Variants in RGL1 observed in about 807,000 individuals in gnomAD.
RGL1 encodes ral guanine nucleotide dissociation stimulator-like 1.
Under a neutral mutation model 95.2 loss-of-function variants are expected in RGL1, and 24 were observed. The observed-to-expected ratio is 0.25, with a 90% CI of 0.18 to 0.35. RGL1 has a LOEUF of 0.35. RGL1 is among the 10% of genes least tolerant of loss of function. RGL1 has a pLI of 1.00. For synonymous variants in RGL1, 329 were observed against 344.9 expected (o/e 0.95, Z 0.51); for missense variants, 715 against 936.3 (o/e 0.76, Z 3.08).
chr1:183,806,263 C>T (rs191157905), intron 1 of RGL1, 112 bp from the exon 2 acceptor site: 3 of 700,456 alleles, frequency 4.3e-6, no homozygotes, highest in African/African-American at 1.8e-5. Context: ...TTTTGAACAG[C>T]CCATCTTGTG....
chr1:183,853,495 A>T (rs7515177), intron 3 of RGL1, among the ~76,000 whole-genome samples: 20,355 of 152,174 alleles, frequency 0.13, 1,795 homozygotes, highest in Middle Eastern at 0.23. Context: ...AGTGGAGGAC[A>T]TTCGGGGTTT....
chr1:183,874,017 T>C (rs1366364451), intron 4 of RGL1, among the ~76,000 whole-genome samples: 1 of 152,200 alleles, frequency 6.6e-6, no homozygotes, highest in Non-Finnish European at 1.5e-5. Context: ...AAAACTCCCT[T>C]CTTGGACTGT....
intron 1 of RGL1, among the ~76,000 whole-genome samples, chr1:183,733,745 G>C (rs1443155572): frequency 6.6e-6 from 1 of 152,124 alleles, no homozygotes; most frequent in Non-Finnish European, 1.5e-5. Context: ...CTGGTGTTTT[G>C]GTCTTCAACA....
At chr1:183,669,733 A>G (rs1390778975) in intron 1 of RGL1, among the ~76,000 whole-genome samples, 2 of 152,236 alleles carry the variant, frequency 1.3e-5, no homozygotes. Flanking sequence ...ATTTATAAAT[A>G]AAAAGAGGTT....
intron 4 of RGL1, among the ~76,000 whole-genome samples, chr1:183,867,481 G>A (rs150470939): frequency 3.3e-5 from 5 of 152,288 alleles, no homozygotes; most frequent in East Asian, 3.9e-4. Flanking sequence ...GCAGTGCTGC[G>A]GTCTTTGGTG....
chr1:183,773,693 G>A (rs1659430865), intron 2 of RGL1, among the ~76,000 whole-genome samples: 2 of 152,202 alleles, frequency 1.3e-5, no homozygotes, highest in Admixed American at 6.5e-5. Flanking sequence ...TAGCATGCAG[G>A]AGTCTTCCCA....
At chr1:183,849,552 G>A (rs1253134928) in intron 3 of RGL1, among the ~76,000 whole-genome samples, 2 of 140,942 alleles carry the variant, frequency 1.4e-5, no homozygotes, top group African/African-American at 5.3e-5. Flanking sequence ...GTGCAGTGGC[G>A]TGATCTCGGC....
chr1:183,666,062 A>G (rs1652015983), intron 1 of RGL1, among the ~76,000 whole-genome samples: 1 of 147,534 alleles, frequency 6.8e-6, no homozygotes, highest in Admixed American at 6.8e-5. Flanking sequence ...CTGGAGTGCA[A>G]TGGCGTGATC....
chr1:183,681,536 T>C (rs982189205), intron 1 of RGL1, among the ~76,000 whole-genome samples: 1 of 152,220 alleles, frequency 6.6e-6, no homozygotes, highest in Non-Finnish European at 1.5e-5. Flanking sequence ...GACTTGATCA[T>C]GGTGGATAAG....
In RGL1 at chr1:183,688,325, T is replaced by G. The variant is rs576519748; in HGVS notation, c.-33+51824T>G. 2.6e-5 allele frequency among the ~76,000 whole-genome samples: 4 copies of G among 152,294 alleles called. No individual in the cohort carries two copies. The South Asian group carries it at 8.3e-4, about 32-fold the overall frequency. On this transcript the variant is annotated intron_variant, in intron 1 of 18. Coordinates refer to the RGL1 transcript ENST00000304685. ...ATTACTTCCTTGGGAAATTTTTGCT[T>G]GCTTATGTGTATCTGAGATTAACAA...
At chr1:183,855,518 C>T (rs1371207781) in intron 3 of RGL1, among the ~76,000 whole-genome samples, 2 of 152,242 alleles carry the variant, frequency 1.3e-5, no homozygotes, top group Non-Finnish European at 2.9e-5. Flanking sequence ...ATGCAGTGTT[C>T]ATGTTCCTGT....
intron 2 of RGL1, among the ~76,000 whole-genome samples, chr1:183,746,290 G>A (rs1369048055): frequency 1.3e-5 from 2 of 151,858 alleles, no homozygotes; most frequent in Non-Finnish European, 2.9e-5. Flanking sequence ...CTGCATATGT[G>A]TATCCTCAAA....
rs1656186437 is a variant in RGL1, at chr1:183,724,277, A to C, written c.-32-17849A>C. Among the ~76,000 whole-genome samples, 1 of 152,122 alleles carries C rather than the reference A, an allele frequency of 6.6e-6. No homozygotes were observed. Among genetic ancestry groups the C allele is most frequent in the Non-Finnish European group, 1.5e-5 (1 of 68,018 alleles). ...AGGAGAGACTGTTTCTGCTTGAGAAAAGCAGAGGGAAGAGTAAAGGAGACT... is the reference window on the plus strand; with the variant it reads ...AGGAGAGACTGTTTCTGCTTGAGAACAGCAGAGGGAAGAGTAAAGGAGACT... On this transcript the variant is annotated intron_variant, in intron 1 of 18. Transcript: ENST00000304685. The surrounding 1 kb of genome is among the most constrained non-coding windows in gnomAD (Gnocchi z 4.1).
intron 1 of RGL1, among the ~76,000 whole-genome samples, chr1:183,806,169 T>C (rs933254972): frequency 9.9e-5 from 15 of 152,072 alleles, no homozygotes; most frequent in Non-Finnish European, 1.9e-4. Context: ...GGGATCCTGA[T>C]ACCACAGGAA....
chr1:183,884,810 A>G lies in RGL1; in HGVS notation c.823A>G (p.Thr275Ala). Reference protein sequence around the residue: ...DKKENKHLAPTIRATISQFNT... With the variant: ...DKKENKHLAPAIRATISQFNT... ...GAAGGAAAACAAACATTTGGCTCCTACGATCCGTGCCACCATCTCTCAGTT... is the reference window on the plus strand; with the variant it reads ...GAAGGAAAACAAACATTTGGCTCCTGCGATCCGTGCCACCATCTCTCAGTT... The change falls in exon 7 of 18, where the codon ACG becomes GCG. Residue 275 changes from threonine to alanine, a missense_variant. Thr to Ala is a moderately conservative substitution (Grantham distance 58, BLOSUM62 0). Coordinates refer to ENST00000360851, the MANE Select transcript of RGL1 (RefSeq NM_001297671.3). 1 of 1,614,152 alleles carries G rather than the reference A, an allele frequency of 6.2e-7. No individual in the cohort carries two copies. Among genetic ancestry groups the G allele is most frequent in the East Asian group, 2.2e-5 (1 of 44,874 alleles).
chr1:183,682,979 G>A (rs532734867), intron 1 of RGL1, among the ~76,000 whole-genome samples: 50 of 151,252 alleles, frequency 3.3e-4, no homozygotes, highest in African/African-American at 1.1e-3. Flanking sequence ...TATCAGAGAC[G>A]AGGATTGCAA....
rs1665607064 is a variant in RGL1, at chr1:183,863,005, G to A, written c.348-2991G>A. 3.3e-5 allele frequency among the ~76,000 whole-genome samples: 5 copies of A among 152,342 alleles called. No individual in the cohort carries two copies. In the South Asian group the frequency reaches 1.0e-3, roughly 32 times the overall value. On this transcript the variant is annotated intron_variant, in intron 3 of 17. Coordinates refer to ENST00000360851, the MANE Select transcript of RGL1 (RefSeq NM_001297671.3). ...TATTTTAAATAGGGCAGTCTGGGAAGGCCTCACTGATAAAGTGATACCTGA... is the reference window on the plus strand; with the variant it reads ...TATTTTAAATAGGGCAGTCTGGGAAAGCCTCACTGATAAAGTGATACCTGA...
At chr1:183,925,151 A>G (rs1273930579) in intron 17 of RGL1, among the ~76,000 whole-genome samples, 1 of 152,224 alleles carries the variant, frequency 6.6e-6, no homozygotes, top group Non-Finnish European at 1.5e-5. Context: ...TATTTGCTGC[A>G]ATATTTGCTG....
chr1:183,855,543 C>T (rs1665084455), intron 3 of RGL1, among the ~76,000 whole-genome samples: 1 of 152,174 alleles, frequency 6.6e-6, no homozygotes, highest in Non-Finnish European at 1.5e-5. Context: ...CCTTTTCTTT[C>T]AGTAAGAGGC....
Sources: allele counts gnomAD v4.1 joint callset (sites outside exome capture counted in the v4.1 genomes callset), GRCh38; gene constraint gnomAD v4.1.1; non-coding constraint Gnocchi (gnomAD v3.1); transcripts MANE v1.5; gene names NCBI Gene and HGNC (gene_info 2026-07-23, HGNC 2026-07-21).